DACH1: variants seen among roughly 807,000 people sequenced by gnomAD.
The protein encoded by DACH1 is dachshund family transcription factor 1.
A neutral mutation model predicts 54.2 loss-of-function variants in DACH1; 12 were observed. The ratio of observed to expected loss-of-function variants is 0.22; its 90% CI spans 0.14 to 0.36. The LOEUF is 0.36. Among genes scored for constraint, DACH1 ranks in the 10% least tolerant of loss-of-function variants. The probability of loss-of-function intolerance (pLI) is 1.00; values close to 1 mark genes in which losing one functional copy is unlikely to be tolerated. For missense variants in DACH1, 805 were observed against 929.8 expected (o/e 0.87, Z 1.75); for synonymous variants, 386 against 366.2 (o/e 1.05, Z -0.62).
Position 71,646,803 on chromosome 13 carries a change from TAA to T in DACH1, c.965-16088_965-16087del, listed in dbSNP as rs1287793670. 3.3e-5 allele frequency among the ~76,000 whole-genome samples: 5 copies of T among 152,348 alleles called. No individual in the cohort carries two copies. The East Asian group carries it at 9.6e-4, about 29-fold the overall frequency. On this transcript the variant is annotated intron_variant, in intron 2 of 10. Transcript: ENST00000613252. ...ATTTTAGTGAGTGTGGAATTATTTA[TAA>T]GTCTGCATTTGCAGCAATAAATACA...
At chr13:71,812,447 T>C (rs909295815) in intron 1 of DACH1, among the ~76,000 whole-genome samples, 1 of 152,094 alleles carries the variant, frequency 6.6e-6, no homozygotes, top group African/African-American at 2.4e-5. Context: ...ACATTACCTT[T>C]ATTCCAAAAT....
At chr13:71,634,281 AG>A (rs1215195163) in intron 2 of DACH1, among the ~76,000 whole-genome samples, 1 of 152,046 alleles carries the variant, frequency 6.6e-6, no homozygotes, top group Non-Finnish European at 1.5e-5. Context: ...CCTGAAAGTG[AG>A]GATTTGAATA....
At chr13:71,536,696 GA>G (rs1882828738) in intron 6 of DACH1, among the ~76,000 whole-genome samples, 2 of 152,096 alleles carry the variant, frequency 1.3e-5, no homozygotes, top group South Asian at 4.1e-4. Context: ...GCACTAAGCT[GA>G]ATGGTGGGTT....
At chr13:71,479,140 A>G in intron 8 of DACH1, 29 bp downstream of exon 8, 2 of 1,577,552 alleles carry the variant, frequency 1.3e-6, no homozygotes, top group South Asian at 1.2e-5. Context: ...TTCTGTAAAT[A>G]TTTAACTTAT....
At position 71,533,754 on chromosome 13, in the gene DACH1, T is replaced by A. The variant is rs770863925; in HGVS notation, c.1570+23270A>T. Among the ~76,000 whole-genome samples the A allele has an allele frequency of 7.3e-4, 109 of 149,878 alleles. No homozygotes were observed. The Middle Eastern group carries it at 0.01, about 14-fold the overall frequency. ...CTCATTCTCTCTCTCTCTCTGAGTGTGTGTCACACACACAAACACACACAC... is the reference window on the plus strand; with the variant it reads ...CTCATTCTCTCTCTCTCTCTGAGTGAGTGTCACACACACAAACACACACAC... On this transcript the variant is annotated intron_variant, in intron 6 of 10. Coordinates refer to ENST00000613252, the MANE Select transcript of DACH1 (RefSeq NM_080759.6).
At chr13:71,698,036 A>C (rs1395072124) in intron 1 of DACH1, among the ~76,000 whole-genome samples, 1 of 152,092 alleles carries the variant, frequency 6.6e-6, no homozygotes, top group Non-Finnish European at 1.5e-5. Context: ...TTTTAAGACA[A>C]TTAATTCTGA....
intron 1 of DACH1, among the ~76,000 whole-genome samples, chr13:71,700,492 G>C (rs1219184742): frequency 6.9e-6 from 1 of 144,732 alleles, no homozygotes; most frequent in African/African-American, 2.6e-5. Context: ...GGAGGCAGAA[G>C]TTGCAGTAAG....
Position 71,675,102 on chromosome 13 carries a change from T to C in DACH1, c.964+6693A>G, listed in dbSNP as rs1233909975. ...AGCAGACTGCCCGCAAATCGACCGGTGGTAAAGCACCCAGGAAGTAACTGG... is the reference window on the plus strand; with the variant it reads ...AGCAGACTGCCCGCAAATCGACCGGCGGTAAAGCACCCAGGAAGTAACTGG... On this transcript the variant is annotated intron_variant, in intron 2 of 10. Transcript: ENST00000613252. 4 of 1,571,786 alleles carry C rather than the reference T, an allele frequency of 2.5e-6. No individual in the cohort carries two copies. In the East Asian group the frequency reaches 9.0e-5, roughly 35 times the overall value.
chr13:71,708,238 G>A (rs2216139), intron 1 of DACH1, among the ~76,000 whole-genome samples: 37,977 of 151,924 alleles, frequency 0.25, 12,436 homozygotes, highest in African/African-American at 0.75. Context: ...CAATCAACAA[G>A]CAAACCATAT....
At chr13:71,576,061 T>C (rs978428514) in intron 3 of DACH1, among the ~76,000 whole-genome samples, 6 of 137,148 alleles carry the variant, frequency 4.4e-5, no homozygotes, top group African/African-American at 1.6e-4. Context: ...CCAGTATATA[T>C]GCACTATGCT....
rs187060543 is a variant in DACH1 at position 71,666,163 on chromosome 13, T to C, written c.964+15632A>G. On this transcript the variant is annotated intron_variant, in intron 2 of 10. Transcript: ENST00000613252. Reference sequence around the variant, plus strand: ...AAATATACATAGACATAAATATTGATTGTATATATAAAAGTAGTTGGAATT... The same window carrying C: ...AAATATACATAGACATAAATATTGACTGTATATATAAAAGTAGTTGGAATT... Among the ~76,000 whole-genome samples, 4 of 152,274 alleles carry C rather than the reference T, an allele frequency of 2.6e-5. No individual in the cohort carries two copies. The East Asian group carries it at 7.7e-4, about 29-fold the overall frequency.
intron 1 of DACH1, among the ~76,000 whole-genome samples, chr13:71,865,600 A>C (rs2138306181): frequency 1.3e-5 from 2 of 152,242 alleles, no homozygotes; most frequent in Admixed American, 1.3e-4. Flanking sequence ...CTGTGGCTCC[A>C]GCAAAGGCGC....
At chr13:71,801,838 G>T (rs1382595446) in intron 1 of DACH1, among the ~76,000 whole-genome samples, 1 of 146,360 alleles carries the variant, frequency 6.8e-6, no homozygotes, top group Non-Finnish European at 1.5e-5. Flanking sequence ...ATCTTGCCCA[G>T]TACTGAAAAA....
intron 1 of DACH1, among the ~76,000 whole-genome samples, chr13:71,690,132 C>T (rs1315989565): frequency 6.6e-6 from 1 of 152,138 alleles, no homozygotes; most frequent in Non-Finnish European, 1.5e-5. Flanking sequence ...TCACTTACCA[C>T]TTGATAAGTA....
chr13:71,598,283 C>T lies in DACH1; in HGVS notation c.1127-25271G>A, dbSNP rs145476691. ...TTGATGCTTTTTTTTGAGATGGAGT[C>T]TAGCTCTGTTGCCCACCCTGGAGTG... is the stretch of plus-strand genomic sequence containing the variant. On this transcript the variant is annotated intron_variant, in intron 3 of 10. Coordinates refer to ENST00000613252, the MANE Select transcript of DACH1 (RefSeq NM_080759.6). 5.4e-3 allele frequency among the ~76,000 whole-genome samples: 817 copies of T among 152,088 alleles called. 10 individuals carry two copies. The highest frequency in any genetic ancestry group is 0.018 in the African/African-American group (732 of 41,508).
intron 6 of DACH1, among the ~76,000 whole-genome samples, chr13:71,513,911 G>A (rs1017764182): frequency 6.6e-6 from 1 of 151,956 alleles, no homozygotes; most frequent in African/African-American, 2.4e-5. Context: ...CTCCACAGGG[G>A]CCATATGGCA....
chr13:71,796,514 T>C (rs1378674595), intron 1 of DACH1, among the ~76,000 whole-genome samples: 1 of 152,112 alleles, frequency 6.6e-6, no homozygotes, highest in Admixed American at 6.6e-5. Context: ...AATGTTTTGG[T>C]TTAATGAATG....
chr13:71,535,681 G>A (rs928972811), intron 6 of DACH1, among the ~76,000 whole-genome samples: 5 of 151,488 alleles, frequency 3.3e-5, no homozygotes, highest in Admixed American at 6.6e-5. Flanking sequence ...TAGCTTGTTC[G>A]TGCGCATAGT....
intron 6 of DACH1, among the ~76,000 whole-genome samples, chr13:71,548,226 G>A (rs1183557528): frequency 6.6e-6 from 1 of 152,142 alleles, no homozygotes; most frequent in Non-Finnish European, 1.5e-5. Flanking sequence ...TTGTAGAAAA[G>A]TCATTATTAT....
Sources: gnomAD v4.1 joint callset for allele counts (sites outside exome capture counted in the v4.1 genomes callset) on GRCh38, gnomAD v4.1.1 for gene constraint, MANE v1.5 for transcripts, NCBI Gene and HGNC (gene_info 2026-07-23, HGNC 2026-07-21) for gene names.